IPPK: variants seen among roughly 807,000 people sequenced by gnomAD.
IPPK encodes IPK1 homolog.
In IPPK, 22 loss-of-function variants were observed where a neutral mutation model predicts 64.6. The observed-to-expected ratio is 0.34, with a 90% confidence interval of 0.24 to 0.49. The LOEUF is 0.49. IPPK is among the 20% of genes least tolerant of loss of function. The probability of loss-of-function intolerance (pLI) is 0.99; values close to 1 mark genes in which losing one functional copy is unlikely to be tolerated. For synonymous variants in IPPK, 262 were observed against 247.2 expected (o/e 1.06, Z -0.56); for missense variants, 532 against 630.7 (o/e 0.84, Z 1.68).
chr9:92,616,793 G>A (rs533054291), intron 12 of IPPK: 2 of 152,358 alleles, frequency 1.3e-5, no homozygotes, highest in African/African-American at 2.4e-5. Flanking sequence ...CCCGCTTTTC[G>A]TCTCCGGGCA....
intron 1 of IPPK, among the ~76,000 whole-genome samples, chr9:92,669,350 A>G (rs1050437186): frequency 3.9e-5 from 6 of 152,212 alleles, no homozygotes; most frequent in Non-Finnish European, 8.8e-5. Flanking sequence ...AAGCCTTCAA[A>G]TTCTAAAAGG....
At chr9:92,646,104 T>C (rs1294326670) in intron 6 of IPPK, among the ~76,000 whole-genome samples, 3 of 151,770 alleles carry the variant, frequency 2.0e-5, no homozygotes, top group Non-Finnish European at 2.9e-5. Flanking sequence ...AGCACAAAGG[T>C]TGGGGGAGGG....
chr9:92,655,217 G>C (rs1321747949), intron 3 of IPPK, among the ~76,000 whole-genome samples: 1 of 152,146 alleles, frequency 6.6e-6, no homozygotes, highest in Admixed American at 6.5e-5. Context: ...CTAACTCACC[G>C]ACACATCTGT....
chr9:92,634,573 C>A (rs759955806), intron 10 of IPPK, 85 bp from the exon 11 acceptor site: 1 of 863,862 alleles, frequency 1.2e-6, no homozygotes. Flanking sequence ...CAAAGCCCAG[C>A]ACCACTAAAC....
intron 6 of IPPK, among the ~76,000 whole-genome samples, chr9:92,644,472 C>T (rs941191765): frequency 6.6e-6 from 1 of 152,178 alleles, no homozygotes; most frequent in Non-Finnish European, 1.5e-5. Context: ...CTTATTTGAC[C>T]TGTCTCTGGG....
At chr9:92,628,367 A>G (rs953564155) in intron 11 of IPPK, among the ~76,000 whole-genome samples, 2 of 152,258 alleles carry the variant, frequency 1.3e-5, no homozygotes, top group African/African-American at 2.4e-5. Flanking sequence ...TAGTCACAAC[A>G]ATCTTGAAAA....
At chr9:92,669,419 G>C (rs1346679313) in intron 1 of IPPK, among the ~76,000 whole-genome samples, 1 of 152,222 alleles carries the variant, frequency 6.6e-6, no homozygotes, top group Non-Finnish European at 1.5e-5. Flanking sequence ...CAATTCCGTA[G>C]TCTCACGAGG....
intron 11 of IPPK, among the ~76,000 whole-genome samples, chr9:92,623,617 G>C (rs1851683606): frequency 6.6e-6 from 1 of 151,974 alleles, no homozygotes; most frequent in Non-Finnish European, 1.5e-5. Flanking sequence ...GACTTAAATA[G>C]ATCACAAAAG....
At chr9:92,640,485 T>C (rs960283183) in intron 8 of IPPK, among the ~76,000 whole-genome samples, 14 of 152,078 alleles carry the variant, frequency 9.2e-5, no homozygotes, top group African/African-American at 3.4e-4. Context: ...CCAGGGTCAC[T>C]CAGATGCTAT....
intron 3 of IPPK, among the ~76,000 whole-genome samples, chr9:92,655,428 C>T (rs548640759): frequency 6.6e-5 from 10 of 152,178 alleles, no homozygotes; most frequent in Non-Finnish European, 1.3e-4. Flanking sequence ...CGCTCACAGG[C>T]GGCCTTGTGG....
In IPPK at chr9:92,615,719, G is replaced by A; in HGVS notation, c.*113C>T. The A allele has an allele frequency of 2.5e-6, 2 of 786,686 alleles. No individual in the cohort carries two copies. Among genetic ancestry groups the A allele is most frequent in the Middle Eastern group, 3.7e-4 (1 of 2,684 alleles). 48.7% of individuals were successfully genotyped at this position (786,686 alleles called of 1,614,324 possible). ...TCCAAGAGGCAATCCCACCTCAAAA[G>A]GGGTTAAAAGCAAAAACATTCACAA... On this transcript the variant is annotated 3_prime_UTR_variant, in exon 13 of 13. Transcript: ENST00000287996.
intron 2 of IPPK, 113 bp downstream of exon 2, chr9:92,658,521 C>T (rs1852418429): frequency 2.2e-6 from 2 of 899,210 alleles, no homozygotes; most frequent in Non-Finnish European, 3.6e-6. Context: ...GCACTGAATG[C>T]TTGTATCATC....
intron 2 of IPPK, among the ~76,000 whole-genome samples, chr9:92,657,362 T>A (rs1242483758): frequency 2.7e-5 from 4 of 147,964 alleles, no homozygotes; most frequent in South Asian, 2.2e-4. Context: ...AAAAAAAAAA[T>A]AAAGCCCCCC....
intron 4 of IPPK, among the ~76,000 whole-genome samples, chr9:92,651,185 G>C (rs2131452170): frequency 6.6e-6 from 1 of 152,254 alleles, no homozygotes; most frequent in Middle Eastern, 3.4e-3. Flanking sequence ...TGCAGACCCA[G>C]AGAATGGTTT....
Position 92,652,448 on chromosome 9 carries a change from C to CAAA in IPPK, c.292+122_292+124dup, listed in dbSNP as rs376104704. 869 of 216,808 alleles carry CAAA rather than the reference C, an allele frequency of 4.0e-3. 6 individuals carry two copies. Among genetic ancestry groups the CAAA allele is most frequent in the African/African-American group, 0.033 (702 of 21,104 alleles). 13.4% of individuals were successfully genotyped at this position (216,808 alleles called of 1,614,324 possible). A position where few individuals can be genotyped will look rare whatever the true frequency, so the allele number is the denominator to read the frequency against. On this transcript the variant is annotated intron_variant, in intron 4 of 12. Coordinates refer to ENST00000287996, the MANE Select transcript of IPPK (RefSeq NM_022755.6). ...TGGGCGACAGAGTGAGACTCCGTCT[C>CAAA]AAAAAAAAAAAAAAAAAAAGGATTA... is the stretch of plus-strand genomic sequence containing the variant.
In IPPK at chr9:92,635,622, TCCA is replaced by T. The variant is rs1288295979; in HGVS notation, c.917-317_917-315del. On this transcript the variant is annotated intron_variant, in intron 9 of 12. Coordinates refer to ENST00000287996, the MANE Select transcript of IPPK (RefSeq NM_022755.6). The surrounding 1 kb of genome is among the most constrained non-coding windows in gnomAD (Gnocchi z 4.4). The stretch of plus-strand genomic sequence containing the variant: ...ACAACTCTCAGAATGTCCTTTAGAT[TCCA>T]CCACAACAGCCCTGGAAGTCACTTT... Among the ~76,000 whole-genome samples, 5 of 152,182 alleles carry T rather than the reference TCCA, an allele frequency of 3.3e-5. No individual in the cohort carries two copies. The highest frequency in any genetic ancestry group is 9.7e-5 in the African/African-American group (4 of 41,444).
At chr9:92,656,697 G>A in intron 2 of IPPK, 146 bp from the exon 3 acceptor site, 1 of 613,578 alleles carries the variant, frequency 1.6e-6, no homozygotes, top group East Asian at 2.8e-5. Context: ...ACAGCCCTCA[G>A]ACCCAGGGGA....
intron 11 of IPPK, among the ~76,000 whole-genome samples, chr9:92,629,006 C>T (rs4744142): frequency 0.68 from 103,337 of 151,996 alleles, 37,081 homozygotes; most frequent in African/African-American, 0.92. Context: ...CAGGATTACT[C>T]GAGCCCAGGA....
rs185393025 is a variant in IPPK, at chr9:92,662,211, G to A, written c.82-3530C>T. 5.9e-5 allele frequency among the ~76,000 whole-genome samples: 9 copies of A among 152,226 alleles called. 1 individual carries two copies. The East Asian group carries it at 9.6e-4, about 16-fold the overall frequency. On this transcript the variant is annotated intron_variant, in intron 1 of 12. Coordinates refer to ENST00000287996, the MANE Select transcript of IPPK (RefSeq NM_022755.6). ...ATTTGAAACTTACCTTCTTCTTAAC[G>A]TCTAGAATAAAATGTTAAAAGTGAA... is the stretch of plus-strand genomic sequence containing the variant.
Sources: allele counts gnomAD v4.1 joint callset (sites outside exome capture counted in the v4.1 genomes callset), GRCh38; gene constraint gnomAD v4.1.1; non-coding constraint Gnocchi (gnomAD v3.1); transcripts MANE v1.5; gene names NCBI Gene and HGNC (gene_info 2026-07-23, HGNC 2026-07-21).